PARVB: variants seen among roughly 807,000 people sequenced by gnomAD.
PARVB encodes the protein parvin beta.
PARVB carries 46 observed loss-of-function variants against 47.0 expected under a neutral mutation model. That is an observed-to-expected ratio of 0.98 (90% CI 0.77 to 1.25). The LOEUF is 1.25. Ranked by LOEUF, PARVB falls within the 50% of genes most tolerant of loss-of-function variation. PARVB has a pLI of 0.00. For synonymous variants in PARVB, 196 were observed against 196.3 expected, an observed-to-expected ratio of 1.00 and a Z score of 0.01; for missense variants, 473 against 471.6, an observed-to-expected ratio of 1.00 and a Z score of -0.03.
intron 1 of PARVB, among the ~76,000 whole-genome samples, chr22:44,042,925 G>A (rs1024291293): frequency 5.3e-5 from 8 of 152,190 alleles, no homozygotes; most frequent in African/African-American, 9.7e-5. Context: ...GAGAATGAGC[G>A]TTGTTACCGA....
chr22:44,156,703 G>A (rs866189605), intron 10 of PARVB, among the ~76,000 whole-genome samples: 1 of 152,258 alleles, frequency 6.6e-6, no homozygotes, highest in Middle Eastern at 3.4e-3. Context: ...TAAATGTTAT[G>A]GTATATTTTA....
intron 2 of PARVB, chr22:44,009,340 T>TA (rs1452679791): frequency 6.6e-6 from 1 of 152,144 alleles, no homozygotes; most frequent in Non-Finnish European, 1.5e-5. Context: ...TCAGACTGAG[T>TA]TTTTAACTGA....
rs151075017 is a variant in PARVB at position 44,143,723 on chromosome 22, G to A, written c.712+3580G>A. 9.4e-3 allele frequency: 1,431 copies of A among 152,418 alleles called. 20 individuals carry two copies. The highest frequency in any genetic ancestry group is 0.032 in the African/African-American group (1,342 of 41,552). 9.4% of individuals were successfully genotyped at this position (152,418 alleles called of 1,614,324 possible). A position where few individuals can be genotyped will look rare whatever the true frequency, so the allele number is the denominator to read the frequency against. Reference sequence around the variant, plus strand: ...GGTGGGTGAGGAGGCTTCTCTCCACGGAAACAAGTCTCAGGGGTTCCAGGG... The same window carrying A: ...GGTGGGTGAGGAGGCTTCTCTCCACAGAAACAAGTCTCAGGGGTTCCAGGG... On this transcript the variant is annotated intron_variant, in intron 8 of 12. Transcript: ENST00000338758.
intron 1 of PARVB, among the ~76,000 whole-genome samples, chr22:44,057,124 A>C (rs2051329291): frequency 6.6e-6 from 1 of 151,934 alleles, no homozygotes; most frequent in African/African-American, 2.4e-5. Flanking sequence ...TCAACCTGAC[A>C]AAAATGCTCA....
chr22:44,033,464 A>G (rs2050860574), intron 1 of PARVB, among the ~76,000 whole-genome samples: 2 of 152,196 alleles, frequency 1.3e-5, no homozygotes, highest in African/African-American at 4.8e-5. Flanking sequence ...GGGCACCAGG[A>G]GGCATTTTTG....
At chr22:44,066,348 A>C (rs2146968149) in intron 1 of PARVB, among the ~76,000 whole-genome samples, 1 of 152,320 alleles carries the variant, frequency 6.6e-6, no homozygotes. Context: ...CAAAAAGTCG[A>C]ATCTGTACTT....
Position 44,024,418 on chromosome 22 carries a change from G to T in PARVB, c.79G>T (p.Gly27Cys), listed in dbSNP as rs1603424155. 2 of 1,246,828 alleles carry T rather than the reference G, an allele frequency of 1.6e-6. No individual in the cohort carries two copies. The highest frequency in any genetic ancestry group is 2.0e-6 in the Non-Finnish European group (2 of 982,358). The allele number at this position is 1,246,828 out of a possible 1,614,324, so 77.2% of individuals were successfully genotyped here. The change falls in exon 1 of 13, where the codon GGC becomes TGC. Residue 27 changes from glycine (G) to cysteine (C), a missense_variant. Transcript: ENST00000338758. ...KDESFLGKLG[G>C]TLARKRRARE... ...CGAGTCGTTCCTGGGCAAGCTGGGC[G>T]GCACCCTGGCCAGGAAGCGGAGGGC...
At chr22:44,149,134 C>T (rs1221226826) in intron 9 of PARVB, 3 of 152,186 alleles carry the variant, frequency 2.0e-5, no homozygotes, top group Admixed American at 2.0e-4. Flanking sequence ...AGATGTTACC[C>T]ACCTCTCAGG....
At chr22:44,108,459 T>G (rs1300250222) in intron 3 of PARVB, 1 of 152,276 alleles carries the variant, frequency 6.6e-6, no homozygotes, top group Non-Finnish European at 1.5e-5. Context: ...ATCAGAGAAT[T>G]GCTGTTGGAA....
At chr22:43,999,435 G>T (rs893757544) in intron 1 of PARVB, 1 of 1,597,104 alleles carries the variant, frequency 6.3e-7, no homozygotes, top group East Asian at 2.2e-5. Context: ...TAAACAAAAC[G>T]AATGTTGTTA....
chr22:44,034,607 G>C (rs2050886771), intron 1 of PARVB, among the ~76,000 whole-genome samples: 1 of 151,034 alleles, frequency 6.6e-6, no homozygotes, highest in African/African-American at 2.4e-5. Flanking sequence ...CTTCATCCCT[G>C]TCTTTTTTCT....
intron 1 of PARVB, among the ~76,000 whole-genome samples, chr22:44,042,540 C>G (rs939811306): frequency 1.3e-5 from 2 of 152,246 alleles, no homozygotes; most frequent in African/African-American, 4.8e-5. Flanking sequence ...ACCCTGGGAA[C>G]TGGCCCGTGT....
At chr22:43,999,834 GAAAAAA>G (rs113458130) in intron 2 of PARVB, among the ~76,000 whole-genome samples, 4 of 69,362 alleles carry the variant, frequency 5.8e-5, no homozygotes, top group Non-Finnish European at 1.2e-4. Flanking sequence ...CCATCTATAT[GAAAAAA>G]AAAAAAAAAA....
At chr22:44,004,259 G>A (rs932959377) in intron 2 of PARVB, among the ~76,000 whole-genome samples, 2 of 152,220 alleles carry the variant, frequency 1.3e-5, no homozygotes, top group African/African-American at 2.4e-5. Context: ...AGGAGCAGGC[G>A]CTCCAGGTCG....
At chr22:44,158,775 A>G (rs1367641118) in intron 11 of PARVB, among the ~76,000 whole-genome samples, 1 of 152,200 alleles carries the variant, frequency 6.6e-6, no homozygotes, top group African/African-American at 2.4e-5. Flanking sequence ...TATTTAGCAC[A>G]TTGCCTTTAA....
At chr22:44,157,681 C>T (rs2053964542) in intron 10 of PARVB, among the ~76,000 whole-genome samples, 1 of 152,104 alleles carries the variant, frequency 6.6e-6, no homozygotes, top group Admixed American at 6.6e-5. Flanking sequence ...GAATTTGAGA[C>T]CAGCCTGGGC....
chr22:44,015,800 CAA>C (rs2050570486), intron 2 of PARVB, among the ~76,000 whole-genome samples: 2 of 152,192 alleles, frequency 1.3e-5, no homozygotes, highest in African/African-American at 4.8e-5. Flanking sequence ...GTCTGGGCAA[CAA>C]GAGCAAAACT....
chr22:44,073,313 G>A (rs1217438222), intron 1 of PARVB, among the ~76,000 whole-genome samples: 1 of 152,150 alleles, frequency 6.6e-6, no homozygotes, highest in Non-Finnish European at 1.5e-5. Flanking sequence ...GGCCAACATA[G>A]CGAAACCCGT....
chr22:44,088,511 G>A (rs997053144), intron 1 of PARVB, among the ~76,000 whole-genome samples: 1 of 152,110 alleles, frequency 6.6e-6, no homozygotes, highest in African/African-American at 2.4e-5. Context: ...TCGCTGTGTT[G>A]CCCAGGCTGG....
Sources: gnomAD v4.1 joint callset for allele counts (sites outside exome capture counted in the v4.1 genomes callset) on GRCh38, gnomAD v4.1.1 for gene constraint, MANE v1.5 for transcripts, NCBI Gene and HGNC (gene_info 2026-07-23, HGNC 2026-07-21) for gene names.